CPLX2: variants seen among roughly 807,000 people sequenced by gnomAD.
The protein encoded by CPLX2 is complexin-2.
In CPLX2, 5 loss-of-function variants were observed where a neutral mutation model predicts 16.3. The observed-to-expected ratio is 0.31, with a 90% CI of 0.16 to 0.64. The LOEUF (loss-of-function observed/expected upper bound fraction) is 0.64, where lower values mean the gene tolerates loss of function less well. CPLX2 is among the 30% of genes least tolerant of loss of function. The pLI is 0.79. For missense variants in CPLX2, 144 were observed against 181.4 expected, an observed-to-expected ratio of 0.79 and a Z score of 1.18; for synonymous variants, 89 against 73.2, an observed-to-expected ratio of 1.22 and a Z score of -1.10.
chr5:175,861,476 G>A (rs1031414838), intron 2 of CPLX2, among the ~76,000 whole-genome samples: 13 of 152,198 alleles, frequency 8.5e-5, no homozygotes, highest in African/African-American at 3.1e-4. Flanking sequence ...GTAATGGTGA[G>A]TCACTGAAGG....
At chr5:175,844,040 C>T (rs997699939) in intron 2 of CPLX2, among the ~76,000 whole-genome samples, 1 of 152,226 alleles carries the variant, frequency 6.6e-6, no homozygotes, top group African/African-American at 2.4e-5. Flanking sequence ...CAGAAATGAC[C>T]CTTGAGCCCA....
intron 2 of CPLX2, among the ~76,000 whole-genome samples, chr5:175,819,607 A>G (rs1314074836): frequency 6.6e-6 from 1 of 152,164 alleles, no homozygotes; most frequent in African/African-American, 2.4e-5. Context: ...TTAGAAAGTT[A>G]TCTCTGGCAG....
At chr5:175,860,194 A>G (rs1308575100) in intron 2 of CPLX2, among the ~76,000 whole-genome samples, 1 of 152,076 alleles carries the variant, frequency 6.6e-6, no homozygotes, top group African/African-American at 2.4e-5. Flanking sequence ...AATCCCATAC[A>G]TACAGCCTCC....
chr5:175,829,924 C>T (rs1023925193), intron 2 of CPLX2, among the ~76,000 whole-genome samples: 6 of 152,192 alleles, frequency 3.9e-5, no homozygotes, highest in African/African-American at 1.4e-4. Flanking sequence ...GTGGGCCCCA[C>T]CAGCCACCAG....
chr5:175,804,145 G>T (rs1375838622), intron 1 of CPLX2, among the ~76,000 whole-genome samples: 1 of 152,188 alleles, frequency 6.6e-6, no homozygotes, highest in Non-Finnish European at 1.5e-5. Flanking sequence ...ATCAAGACAG[G>T]ATACAAAAGA....
chr5:175,859,672 C>G (rs1456230971), intron 2 of CPLX2, among the ~76,000 whole-genome samples: 1 of 152,210 alleles, frequency 6.6e-6, no homozygotes, highest in Non-Finnish European at 1.5e-5. Context: ...GAGATATGAA[C>G]TGTGGATATG....
intron 2 of CPLX2, among the ~76,000 whole-genome samples, chr5:175,812,677 C>A (rs1242038461): frequency 6.6e-6 from 1 of 152,076 alleles, no homozygotes; most frequent in African/African-American, 2.4e-5. Flanking sequence ...AGCCAAGGGA[C>A]AGGGTGGTGC....
At chr5:175,852,731 A>G (rs544864973) in intron 2 of CPLX2, among the ~76,000 whole-genome samples, 2 of 152,192 alleles carry the variant, frequency 1.3e-5, no homozygotes, top group Non-Finnish European at 2.9e-5. Context: ...CCTCCCTGGT[A>G]CTGGAAGAGC....
intron 2 of CPLX2, among the ~76,000 whole-genome samples, chr5:175,833,472 C>T (rs960174854): frequency 2.6e-5 from 4 of 152,078 alleles, no homozygotes; most frequent in Non-Finnish European, 4.4e-5. Flanking sequence ...ACAGGGGACT[C>T]GTTTCCAAGT....
intron 1 of CPLX2, chr5:175,873,102 C>T (rs1231584932): frequency 7.0e-6 from 1 of 143,546 alleles, no homozygotes; most frequent in Non-Finnish European, 1.5e-5. Flanking sequence ...CACCCACCCC[C>T]ACTCCCACCC....
At chr5:175,811,521 T>C (rs1758311911) in intron 2 of CPLX2, among the ~76,000 whole-genome samples, 1 of 152,098 alleles carries the variant, frequency 6.6e-6, no homozygotes, top group Admixed American at 6.5e-5. Flanking sequence ...CCACAGCACA[T>C]ATTCATGTTG....
chr5:175,852,321 C>T (rs182309963), intron 2 of CPLX2, among the ~76,000 whole-genome samples: 3 of 152,278 alleles, frequency 2.0e-5, no homozygotes, highest in East Asian at 3.9e-4. Context: ...AATGAGCAAA[C>T]GGAGGTTTTG....
chr5:175,812,374 T>C (rs1758327609), intron 2 of CPLX2, among the ~76,000 whole-genome samples: 1 of 152,202 alleles, frequency 6.6e-6, no homozygotes, highest in Admixed American at 6.5e-5. Context: ...AGTGTCTGTC[T>C]CTCACACGGG....
intron 2 of CPLX2, among the ~76,000 whole-genome samples, chr5:175,858,421 C>A (rs115963370): frequency 6.6e-6 from 1 of 152,218 alleles, no homozygotes; most frequent in Non-Finnish European, 1.5e-5. Flanking sequence ...GGTGAATCCA[C>A]GAAGACCCTG....
intron 2 of CPLX2, among the ~76,000 whole-genome samples, chr5:175,827,388 C>A (rs1758637408): frequency 1.3e-5 from 2 of 152,180 alleles, no homozygotes; most frequent in Admixed American, 6.5e-5. Context: ...TGCAGAGTGG[C>A]CCCTCTTCTT....
intron 2 of CPLX2, among the ~76,000 whole-genome samples, chr5:175,852,485 A>G (rs1267806361): frequency 6.6e-6 from 1 of 152,222 alleles, no homozygotes; most frequent in African/African-American, 2.4e-5. Context: ...GATCAGCACC[A>G]AACAGCTAGA....
chr5:175,848,887 G>A (rs889616775), intron 2 of CPLX2, among the ~76,000 whole-genome samples: 22 of 152,308 alleles, frequency 1.4e-4, no homozygotes, highest in African/African-American at 5.1e-4. Flanking sequence ...TTGGCAACCC[G>A]GGGAAGGCAG....
intron 2 of CPLX2, among the ~76,000 whole-genome samples, chr5:175,839,819 G>A (rs1758914937): frequency 1.3e-5 from 2 of 152,222 alleles, no homozygotes; most frequent in African/African-American, 4.8e-5. Context: ...TTAAGCCACT[G>A]TAACTTGACA....
Position 175,809,506 on chromosome 5 carries a change from C to T in CPLX2, c.-89+438C>T, listed in dbSNP as rs1758274903. ...AATGAATGAATGAACTGATGAACTG[C>T]CCAAGATGAATGGAAAGGCAGGGCT... is the stretch of plus-strand genomic sequence containing the variant. On this transcript the variant is annotated intron_variant, in intron 2 of 4. Transcript: ENST00000359546. This position sits in a 1 kb window ranked among gnomAD's most constrained non-coding sequence, Gnocchi z 4.4. 1 of 152,400 alleles carries T rather than the reference C, an allele frequency of 6.6e-6. No homozygotes were observed. The highest frequency in any genetic ancestry group is 1.5e-5 in the Non-Finnish European group (1 of 68,134). 9.4% of individuals were successfully genotyped at this position (152,400 alleles called of 1,614,324 possible).
Sources: allele counts gnomAD v4.1 joint callset (sites outside exome capture counted in the v4.1 genomes callset), GRCh38; gene constraint gnomAD v4.1.1; non-coding constraint Gnocchi (gnomAD v3.1); transcripts MANE v1.5; gene names NCBI Gene and HGNC (gene_info 2026-07-23, HGNC 2026-07-21).